The following RBFOX1 variants were observed in gnomAD, a reference collection of about 807,000 sequenced individuals.
RBFOX1 encodes RNA binding fox-1 homolog 1.
A neutral mutation model predicts 57.7 loss-of-function variants in RBFOX1; 8 were observed. That is an observed-to-expected ratio of 0.14 (90% confidence interval 0.08 to 0.25). The LOEUF (loss-of-function observed/expected upper bound fraction) is 0.25. RBFOX1 is among the 10% of genes least tolerant of loss of function. The probability of loss-of-function intolerance (pLI) is 1.00; values close to 1 mark genes in which losing one functional copy is unlikely to be tolerated. For missense variants in RBFOX1, 611 were observed against 548.5 expected (o/e 1.11, Z -1.14); for synonymous variants, 326 against 222.4 (o/e 1.47, Z -4.15).
rs1156509411 is a variant in RBFOX1 at position 7,711,521 on chromosome 16, A to G, written c.*776A>G. On this transcript the variant is annotated 3_prime_UTR_variant, in exon 16 of 16. Coordinates refer to ENST00000550418, the MANE Select transcript of RBFOX1 (RefSeq NM_018723.4). ...TTTCTTCCAGTATAATAAATTATTG[A>G]TATCACTGCTGACTTTTATATTATG... 5 of 152,594 alleles carry G rather than the reference A, an allele frequency of 3.3e-5. No individual in the cohort carries two copies. Among genetic ancestry groups the G allele is most frequent in the Admixed American group, 6.6e-5 (1 of 15,262 alleles). 9.5% of individuals were successfully genotyped at this position (152,594 alleles called of 1,614,324 possible). A position where few individuals can be genotyped will look rare whatever the true frequency, so the allele number is the denominator to read the frequency against.
chr16:6,714,349 T>G (rs1034773548), intron 3 of RBFOX1, among the ~76,000 whole-genome samples: 1 of 152,106 alleles, frequency 6.6e-6, no homozygotes, highest in African/African-American at 2.4e-5. Context: ...GAAACACTAG[T>G]GTTCATGGTG....
intron 4 of RBFOX1, among the ~76,000 whole-genome samples, chr16:7,274,165 GTTCT>G (rs1271995882): frequency 1.3e-5 from 2 of 152,132 alleles, no homozygotes; most frequent in African/African-American, 4.8e-5. Context: ...TTCTCTCTGC[GTTCT>G]TTCAATGGCA....
intron 4 of RBFOX1, among the ~76,000 whole-genome samples, chr16:7,371,126 C>G (rs1457843377): frequency 6.6e-6 from 1 of 152,168 alleles, no homozygotes; most frequent in Non-Finnish European, 1.5e-5. Context: ...AATGCCAAGG[C>G]CTGCCTTTTA....
rs117319002 is a variant in RBFOX1 at position 6,835,954 on chromosome 16, C to T, written c.-16+181304C>T. On this transcript the variant is annotated intron_variant, in intron 3 of 15. Transcript: ENST00000550418. ...AATGATAAAGAGCAGCACCTCCATT[C>T]CCATTCCATCTGCCAAAAGTGTCAT... Among the ~76,000 whole-genome samples, 751 of 152,078 alleles carry T rather than the reference C, an allele frequency of 4.9e-3. 5 individuals are homozygous for T. Among genetic ancestry groups the T allele is most frequent in the Non-Finnish European group, 8.1e-3 (551 of 67,998 alleles).
At chr16:6,603,345 T>C (rs887860) in intron 2 of RBFOX1, among the ~76,000 whole-genome samples, 2,005 of 152,330 alleles carry the variant, frequency 0.013, 37 homozygotes, top group South Asian at 0.046. Flanking sequence ...ATGAAATAGC[T>C]TGATGTATAC....
At chr16:5,692,001 A>G (rs2050694680) in intron 3 of RBFOX1, among the ~76,000 whole-genome samples, 3 of 116,288 alleles carry the variant, frequency 2.6e-5, no homozygotes, top group South Asian at 7.5e-4. Context: ...AAGAATGTGC[A>G]CATTTGGTAA....
At chr16:7,553,395 T>C (rs940301499) in intron 5 of RBFOX1, among the ~76,000 whole-genome samples, 24 of 152,184 alleles carry the variant, frequency 1.6e-4, no homozygotes, top group Non-Finnish European at 2.5e-4. Flanking sequence ...TCCTCTAGCA[T>C]TGGTCTTCCA....
intron 2 of RBFOX1, among the ~76,000 whole-genome samples, chr16:6,478,427 A>ATTTT (rs1457956625): frequency 6.5e-3 from 83 of 12,704 alleles, no homozygotes; most frequent in South Asian, 0.024. Flanking sequence ...ATATATATAT[A>ATTTT]TATTTTTTTT....
chr16:7,454,536 A>G (rs1377094623), intron 4 of RBFOX1, among the ~76,000 whole-genome samples: 1 of 152,194 alleles, frequency 6.6e-6, no homozygotes, highest in Non-Finnish European at 1.5e-5. Flanking sequence ...CATGCATGTG[A>G]GAAAGTGTAA....
At chr16:6,848,244 G>T (rs971792481) in intron 3 of RBFOX1, among the ~76,000 whole-genome samples, 1 of 152,064 alleles carries the variant, frequency 6.6e-6, no homozygotes, top group Non-Finnish European at 1.5e-5. Flanking sequence ...ACCATTCAAA[G>T]GGAGTCACTT....
At chr16:7,210,325 G>C (rs912350530) in intron 4 of RBFOX1, among the ~76,000 whole-genome samples, 1 of 152,118 alleles carries the variant, frequency 6.6e-6, no homozygotes, top group African/African-American at 2.4e-5. Flanking sequence ...GGCAACTCTT[G>C]GGCAGGAGCT....
intron 5 of RBFOX1, among the ~76,000 whole-genome samples, chr16:7,534,816 C>A (rs951882412): frequency 2.0e-5 from 3 of 152,086 alleles, no homozygotes; most frequent in Admixed American, 1.3e-4. Flanking sequence ...CACAGTTCAC[C>A]CTGGGCTGCT....
At chr16:7,047,418 C>T (rs895334414) in intron 3 of RBFOX1, among the ~76,000 whole-genome samples, 1 of 152,004 alleles carries the variant, frequency 6.6e-6, no homozygotes, top group Non-Finnish European at 1.5e-5. Context: ...TGTTTTAAAT[C>T]CATAGTTCTT....
At chr16:7,064,343 A>G (rs1568612227) in intron 4 of RBFOX1, among the ~76,000 whole-genome samples, 1 of 151,600 alleles carries the variant, frequency 6.6e-6, no homozygotes, top group African/African-American at 2.4e-5. Context: ...TAATTTTTGT[A>G]TTTTTAGTAG....
intron 4 of RBFOX1, among the ~76,000 whole-genome samples, chr16:7,285,728 G>A (rs2095638081): frequency 2.0e-5 from 3 of 152,114 alleles, no homozygotes; most frequent in Admixed American, 6.5e-5. Flanking sequence ...CCTTTTCATT[G>A]CTGTGTAGTA....
At chr16:7,350,158 A>G (rs1300744644) in intron 4 of RBFOX1, among the ~76,000 whole-genome samples, 2 of 152,190 alleles carry the variant, frequency 1.3e-5, no homozygotes, top group Non-Finnish European at 2.9e-5. Flanking sequence ...AAAATTTAAA[A>G]AAAAAATGGT....
At chr16:5,744,211 C>G (rs539921463) in intron 3 of RBFOX1, among the ~76,000 whole-genome samples, 1 of 152,254 alleles carries the variant, frequency 6.6e-6, no homozygotes, top group African/African-American at 2.4e-5. Context: ...ATCTGGCATG[C>G]TCCTGAAACC....
intron 4 of RBFOX1, among the ~76,000 whole-genome samples, chr16:7,093,930 G>A (rs570889556): frequency 1.3e-5 from 2 of 151,814 alleles, no homozygotes; most frequent in Non-Finnish European, 2.9e-5. Context: ...ACATAATGGT[G>A]TGACTATATA....
chr16:6,520,025 A>T (rs1249344166), intron 2 of RBFOX1, among the ~76,000 whole-genome samples: 1 of 151,998 alleles, frequency 6.6e-6, no homozygotes, highest in African/African-American at 2.4e-5. Context: ...AACATTGAGA[A>T]CTCATGGGCA....
Sources: gnomAD v4.1 joint callset for allele counts (sites outside exome capture counted in the v4.1 genomes callset) on GRCh38, gnomAD v4.1.1 for gene constraint, MANE v1.5 for transcripts, NCBI Gene and HGNC (gene_info 2026-07-23, HGNC 2026-07-21) for gene names.